PALM3: variants seen among roughly 807,000 people sequenced by gnomAD.
The protein encoded by PALM3 is paralemmin-3.
Under a neutral mutation model 27.9 loss-of-function variants are expected in PALM3, and 20 were observed. That is an observed-to-expected ratio of 0.72 (90% CI 0.50 to 1.04). The LOEUF is 1.04. Among genes scored for constraint, PALM3 ranks in the 50% least tolerant of loss-of-function variants. The probability of loss-of-function intolerance (pLI) is 0.00; values close to 1 mark genes in which losing one functional copy is unlikely to be tolerated. For synonymous variants in PALM3, 328 were observed against 352.7 expected (o/e 0.93, Z 0.79); for missense variants, 814 against 869.4 (o/e 0.94, Z 0.80).
intron 1 of PALM3, among the ~76,000 whole-genome samples, chr19:14,059,456 C>T (rs1222275346): frequency 6.6e-6 from 1 of 151,970 alleles, no homozygotes; most frequent in Non-Finnish European, 1.5e-5. Flanking sequence ...TTGCCACCCC[C>T]GATCTCAGAG....
rs1020736176 is a variant in PALM3 at position 14,054,870 on chromosome 19, C to T, written c.802G>A (p.Gly268Arg). The change falls in exon 7 of 7, where the codon GGA becomes AGA. Residue 268 changes from glycine (G) to arginine (R), a missense_variant. Coordinates refer to ENST00000669674, the MANE Select transcript of PALM3 (RefSeq NM_001145028.2). ...KVEEVVLEAI[G>R]DRKGAGSLEL... is the part of the protein sequence containing the mutation. ...AGGCTACCAGCTCCCTTCCTGTCTC[C>T]GATGGCTTCCAGCACCACTTCCTCC... is the stretch of plus-strand genomic sequence containing the variant. 6.3e-5 allele frequency: 98 copies of T among 1,549,192 alleles called. No individual in the cohort carries two copies. The highest frequency in any genetic ancestry group is 5.0e-4 in the Middle Eastern group (3 of 6,012).
chr19:14,054,584 G>T lies in PALM3; in HGVS notation c.1088C>A (p.Thr363Asn). The T allele has an allele frequency of 6.4e-7, 1 of 1,551,772 alleles. No individual in the cohort carries two copies. The stretch of plus-strand genomic sequence containing the variant: ...CAGCTCCTCCCACTCTTCACTGAGG[G>T]TCACTCTCTCCACCCAAATGAAGGA... ...EGSFIWVERV[T>N]LSEEWEELLV... is the part of the protein sequence containing the mutation. The change falls in exon 7 of 7, where the codon ACC becomes AAC. Residue 363 changes from threonine (T) to asparagine (N), a missense_variant. Transcript: ENST00000669674.
intron 5 of PALM3, 151 bp downstream of exon 5, chr19:14,056,278 A>T: frequency 2.5e-6 from 2 of 788,680 alleles, no homozygotes; most frequent in Admixed American, 4.7e-5. Context: ...ACTTGCCAAG[A>T]CCACAGAGCA....
In PALM3 at chr19:14,054,851, C is replaced by A; in HGVS notation, c.821G>T (p.Gly274Val). 6.5e-7 allele frequency: 1 copy of A among 1,549,300 alleles called. No homozygotes were observed. The highest frequency in any genetic ancestry group is 2.0e-5 in the Admixed American group (1 of 50,776). ...CACCCAGGCCGGGAGCTCCAGGCTA[C>A]CAGCTCCCTTCCTGTCTCCGATGGC... ...LEAIGDRKGA[G>V]SLELPAWVKE... The change falls in exon 7 of 7, where the codon GGT becomes GTT. Residue 274 changes from glycine to valine, a missense_variant. Coordinates refer to ENST00000669674, the MANE Select transcript of PALM3 (RefSeq NM_001145028.2).
At chr19:14,056,188 C>T (rs1235827587) in intron 5 of PALM3, among the ~76,000 whole-genome samples, 4 of 152,206 alleles carry the variant, frequency 2.6e-5, no homozygotes, top group Non-Finnish European at 5.9e-5. Context: ...GGATTACAGG[C>T]GTGAGCCACC....
intron 1 of PALM3, among the ~76,000 whole-genome samples, chr19:14,059,965 T>G (rs1181089059): frequency 2.6e-5 from 4 of 152,124 alleles, no homozygotes; most frequent in Non-Finnish European, 4.4e-5. Context: ...TGGACCCACT[T>G]AGGCTCCCGT....
intron 2 of PALM3, 78 bp from the exon 3 acceptor site, chr19:14,057,509 C>G: frequency 8.2e-7 from 1 of 1,219,770 alleles, no homozygotes; most frequent in Non-Finnish European, 1.1e-6. Flanking sequence ...TTTCCCCTCC[C>G]TCCTCCGCGG....
intron 5 of PALM3, among the ~76,000 whole-genome samples, chr19:14,055,648 GCCAATCTGTAT>G (rs1976291644): frequency 1.3e-5 from 2 of 152,138 alleles, no homozygotes; most frequent in East Asian, 3.8e-4. Context: ...CATTCCCATA[GCCAATCTGTAT>G]TAGGGGCCTA....
chr19:14,057,612 A>G (rs1478544945), intron 2 of PALM3, 181 bp from the exon 3 acceptor site: 16 of 122,986 alleles, frequency 1.3e-4, no homozygotes, highest in Non-Finnish European at 1.4e-4. Context: ...GGGGCTGCGG[A>G]GGCGCTGACT....
intron 2 of PALM3, 36 bp from the exon 3 acceptor site, chr19:14,057,467 G>A (rs1008608600): frequency 2.0e-6 from 3 of 1,490,740 alleles, no homozygotes; most frequent in Non-Finnish European, 1.8e-6. Context: ...CCGCCGGCCG[G>A]GCGCGGCCTC....
At position 14,054,945 on chromosome 19, in the gene PALM3, TG is replaced by T; in HGVS notation, c.726del (p.Thr243GlnfsTer40). On this transcript the variant is annotated frameshift_variant, in exon 7 of 7. Transcript: ENST00000669674. LOFTEE classifies it low-confidence loss of function (END_TRUNC). Reference protein sequence around the residue: ...VVSVVWEGLRATEDCATGATG... With the variant: ...VVSVVWEGLRXTEDCATGATG... ...GTGGCCCCTGTGGCACAGTCCTCTG[TG>T]GCCCTCAGCCCTTCCCACACCACAC... 1 of 1,549,832 alleles carries T rather than the reference TG, an allele frequency of 6.5e-7. No individual in the cohort carries two copies.
intron 5 of PALM3, 137 bp from the exon 6 acceptor site, chr19:14,055,562 T>G: frequency 1.2e-6 from 1 of 811,548 alleles, no homozygotes. Context: ...CTCCACATTG[T>G]ACCTCTGCCT....
At chr19:14,056,963 C>G in intron 3 of PALM3, 159 bp from the exon 4 acceptor site, 1 of 744,018 alleles carries the variant, frequency 1.3e-6, no homozygotes, top group Non-Finnish European at 2.1e-6. Context: ...TGCCCCCCAA[C>G]GCTGCAAGTG....
chr19:14,059,292 G>A, intron 1 of PALM3, 129 bp from the exon 2 acceptor site: 1 of 891,736 alleles, frequency 1.1e-6, no homozygotes, highest in Non-Finnish European at 1.6e-6. Flanking sequence ...TTGCACCTGG[G>A]AAGAGTCTGG....
intron 1 of PALM3, 127 bp downstream of exon 1, chr19:14,061,813 C>T: frequency 2.0e-6 from 1 of 499,876 alleles, no homozygotes; most frequent in Non-Finnish European, 2.6e-6. Flanking sequence ...GCTAGCCAAC[C>T]CCTCCACTCC....
Position 14,057,418 on chromosome 19 carries a change from A to T in PALM3, c.104T>A (p.Leu35Gln). 4.5e-6 allele frequency: 7 copies of T among 1,540,312 alleles called. No individual in the cohort carries two copies. The highest frequency in any genetic ancestry group is 6.1e-6 in the Non-Finnish European group (7 of 1,144,096). The change falls in exon 3 of 7, where the codon CTG (leucine) becomes CAG (glutamine). Residue 35 changes from leucine to glutamine, a missense_variant. Leu to Gln is a moderately radical substitution (Grantham distance 113). Transcript: ENST00000669674. Reference protein sequence around the residue: ...RLEVIAEKRRLQEEIRAARRE... With the variant: ...RLEVIAEKRRQQEEIRAARRE... ...GCGCGCGGCGCGGATCTCCTCCTGC[A>T]GCCGCCGCTTCTCCTGCGCACAGAG...
At position 14,057,358 on chromosome 19, in the gene PALM3, C is replaced by G. The variant is rs1976325463; in HGVS notation, c.164G>C (p.Arg55Pro). The change falls in exon 3 of 7, where the codon CGT (arginine) becomes CCT (proline). Residue 55 changes from arginine to proline, a missense_variant. Arg to Pro is a moderately radical substitution (Grantham distance 103). Transcript: ENST00000669674. ...EVEEEKLRVERLKRKSLRERW... is the reference protein window; with the variant it reads ...EVEEEKLRVEPLKRKSLRERW... ...CCCCCGCCCGCCCCCAACCTTGAGA[C>G]GCTCCACGCGGAGTTTCTCCTCCTC... 1 of 1,544,192 alleles carries G rather than the reference C, an allele frequency of 6.5e-7. No homozygotes were observed. The highest frequency in any genetic ancestry group is 8.7e-7 in the Non-Finnish European group (1 of 1,144,604).
intron 6 of PALM3, 46 bp from the exon 7 acceptor site, chr19:14,055,272 G>A (rs779883593): frequency 1.3e-6 from 2 of 1,524,856 alleles, no homozygotes; most frequent in Non-Finnish European, 1.8e-6. Flanking sequence ...GGGAAGACAG[G>A]GTTAAGATGG....
At chr19:14,059,184 C>T in intron 1 of PALM3, 21 bp from the exon 2 acceptor site, 1 of 1,441,462 alleles carries the variant, frequency 6.9e-7, no homozygotes, top group East Asian at 3.0e-5. Flanking sequence ...AGGGCAGGGG[C>T]TTCGAGGGGC....
Sources: gnomAD v4.1 joint callset for allele counts (sites outside exome capture counted in the v4.1 genomes callset) on GRCh38, gnomAD v4.1.1 for gene constraint, MANE v1.5 for transcripts, NCBI Gene and HGNC (gene_info 2026-07-23, HGNC 2026-07-21) for gene names.